The following PCNT variants were observed in gnomAD, a reference collection of about 807,000 sequenced individuals.
PCNT encodes pericentrin.
Under a neutral mutation model 380.4 loss-of-function variants are expected in PCNT, and 319 were observed. The observed-to-expected ratio is 0.84, with a 90% CI of 0.77 to 0.92. The LOEUF (loss-of-function observed/expected upper bound fraction) is 0.92. PCNT is among the 40% of genes least tolerant of loss of function. The probability of loss-of-function intolerance (pLI) is 0.00; values close to 1 mark genes in which losing one functional copy is unlikely to be tolerated. For missense variants in PCNT, 4,400 were observed against 4,255.3 expected, an observed-to-expected ratio of 1.03 and a Z score of -0.95; for synonymous variants, 1,845 against 1,735.2, an observed-to-expected ratio of 1.06 and a Z score of -1.57.
At chr21:46,369,365 C>T (rs929572679) in intron 15 of PCNT, among the ~76,000 whole-genome samples, 2 of 152,366 alleles carry the variant, frequency 1.3e-5, no homozygotes, top group African/African-American at 2.4e-5. Flanking sequence ...TGAGCCACTG[C>T]TCCCAGCTTG....
chr21:46,366,975 C>T lies in PCNT; in HGVS notation c.3001C>T (p.Leu1001=). The T allele has an allele frequency of 1.2e-6, 2 of 1,614,218 alleles. No individual in the cohort carries two copies. The highest frequency in any genetic ancestry group is 2.2e-5 in the South Asian group (2 of 91,090). The change falls in exon 15 of 47, where the codon CTG becomes TTG. Residue 1001 remains leucine (L), a synonymous_variant. Transcript: ENST00000359568. ...ELLRADFEEQ[L]WKKDSLHQTI... ...CTTACGAGCAGACTTTGAGGAACAACTGTGGAAAAAGGACTCTCTTCACCA... is the reference window on the plus strand; with the variant it reads ...CTTACGAGCAGACTTTGAGGAACAATTGTGGAAAAAGGACTCTCTTCACCA...
At chr21:46,327,437 GT>G (rs1195498972) in intron 2 of PCNT, among the ~76,000 whole-genome samples, 1 of 150,560 alleles carries the variant, frequency 6.6e-6, no homozygotes, top group African/African-American at 2.4e-5. Flanking sequence ...GTTTTGCTGT[GT>G]TGCCCAGCCT....
chr21:46,424,724 A>T (rs1446986548), intron 32 of PCNT, among the ~76,000 whole-genome samples: 1 of 12,398 alleles, frequency 8.1e-5, no homozygotes, highest in Non-Finnish European at 1.6e-4. Flanking sequence ...GCCCCCCCCA[A>T]CCCTGCTCCC....
At chr21:46,364,077 C>T in intron 14 of PCNT, 143 bp downstream of exon 14, 1 of 741,270 alleles carries the variant, frequency 1.3e-6, no homozygotes, top group African/African-American at 1.8e-5. Context: ...GTGTGGCGCT[C>T]TAGGTTTTCA....
chr21:46,411,676 C>G lies in PCNT; in HGVS notation c.5603C>G (p.Ala1868Gly). Reference sequence around the variant, plus strand: ...GAAGCGGCCCTGAAAGCAAAGGAAGCGACGATTGCCGAGAGAAATTTAGAA... The same window carrying G: ...GAAGCGGCCCTGAAAGCAAAGGAAGGGACGATTGCCGAGAGAAATTTAGAA... ...EFEAALKAKE[A>G]TIAERNLEID... is the part of the protein sequence containing the mutation. The change falls in exon 28 of 47, where the codon GCG becomes GGG. Residue 1868 changes from alanine (A) to glycine (G), a missense_variant. By Grantham distance (60) the Ala-to-Gly change is moderately conservative (BLOSUM62 0). Transcript: ENST00000359568. 6.2e-7 allele frequency: 1 copy of G among 1,612,978 alleles called. No individual in the cohort carries two copies. The highest frequency in any genetic ancestry group is 1.1e-5 in the South Asian group (1 of 91,088).
Position 46,387,578 on chromosome 21 carries a change from G to T in PCNT, c.3465-1164G>T, listed in dbSNP as rs780158537. The stretch of plus-strand genomic sequence containing the variant: ...ATGCCTGCAGGAGTTGGGCATTTTG[G>T]GGGGTGGAAGTGTGCTGGGGAGCAG... On this transcript the variant is annotated intron_variant, in intron 17 of 46. Coordinates refer to ENST00000359568, the MANE Select transcript of PCNT (RefSeq NM_006031.6). Among the ~76,000 whole-genome samples, 5 of 152,220 alleles carry T rather than the reference G, an allele frequency of 3.3e-5. No homozygotes were observed. The South Asian group carries it at 6.2e-4, about 19-fold the overall frequency.
intron 16 of PCNT, among the ~76,000 whole-genome samples, chr21:46,382,632 A>C (rs2085607061): frequency 7.2e-6 from 1 of 138,908 alleles, no homozygotes; most frequent in Admixed American, 7.4e-5. Flanking sequence ...AAGCGCATTC[A>C]CGGTGTTGTG....
chr21:46,344,039 A>G (rs1377795129), intron 3 of PCNT, among the ~76,000 whole-genome samples: 2 of 149,406 alleles, frequency 1.3e-5, no homozygotes, highest in Non-Finnish European at 3.0e-5. Context: ...CTAATGATCT[A>G]TCAGTTTTGT....
rs534806638 is a variant in PCNT at position 46,354,203 on chromosome 21, C to T, written c.1761+135C>T. The T allele has an allele frequency of 2.8e-5, 22 of 796,728 alleles. No individual in the cohort carries two copies. In the East Asian group the frequency reaches 5.1e-4, roughly 18 times the overall value. 49.4% of individuals were successfully genotyped at this position (796,728 alleles called of 1,614,324 possible). A position where few individuals can be genotyped will look rare whatever the true frequency, so the allele number is the denominator to read the frequency against. On this transcript the variant is annotated intron_variant, in intron 11 of 46. Coordinates refer to ENST00000359568, the MANE Select transcript of PCNT (RefSeq NM_006031.6). ...GGAGGAAGGCTGCTTGCGGATGCTG[C>T]CCCGACCTCACTGCTGCTCCGCGGT...
At chr21:46,428,072 T>C (rs2839255) in intron 34 of PCNT, among the ~76,000 whole-genome samples, 1 of 152,186 alleles carries the variant, frequency 6.6e-6, no homozygotes, top group East Asian at 1.9e-4. Context: ...CCATTCCAAG[T>C]AGCCCCTCCT....
At chr21:46,363,975 A>G in intron 14 of PCNT, 41 bp downstream of exon 14, 1 of 1,569,338 alleles carries the variant, frequency 6.4e-7, no homozygotes, top group Non-Finnish European at 8.7e-7. Flanking sequence ...CTGTGAGGCC[A>G]GACACCTTGG....
At chr21:46,383,873 C>T (rs1291542342) in intron 16 of PCNT, among the ~76,000 whole-genome samples, 3 of 144,094 alleles carry the variant, frequency 2.1e-5, no homozygotes, top group Non-Finnish European at 4.5e-5. Flanking sequence ...GACGGAAGCG[C>T]ATTCACGGTG....
chr21:46,353,652 T>G (rs917954827), intron 10 of PCNT, among the ~76,000 whole-genome samples: 2 of 149,728 alleles, frequency 1.3e-5, no homozygotes, highest in African/African-American at 2.5e-5. Flanking sequence ...GTGTGTGTGT[T>G]GGTGGCAGGG....
chr21:46,332,974 A>G (rs1283963286), intron 2 of PCNT, among the ~76,000 whole-genome samples: 2 of 152,224 alleles, frequency 1.3e-5, no homozygotes, highest in East Asian at 1.9e-4. Context: ...TAAGCTGGGC[A>G]CAGTGGCGCA....
rs1416988324 is a variant in PCNT, at chr21:46,411,637, G to A, written c.5564G>A (p.Arg1855Gln). 3.7e-6 allele frequency: 6 copies of A among 1,612,938 alleles called. No homozygotes were observed. Among genetic ancestry groups the A allele is most frequent in the Middle Eastern group, 1.6e-4 (1 of 6,084 alleles). Residue 1855 changes from arginine (R) to glutamine (Q), a missense_variant, in exon 28 of 47, where the codon CGG (arginine) becomes CAG (glutamine). Physicochemically the swap from Arg to Gln is conservative, Grantham distance 43 (BLOSUM62 1). Coordinates refer to ENST00000359568, the MANE Select transcript of PCNT (RefSeq NM_006031.6). ...REAEVEDMAS[R>Q]IQEFEAALKA... ...GCTGAGGTCGAAGACATGGCCTCCC[G>A]GATCCAGGAGTTCGAAGCGGCCCTG... is the stretch of plus-strand genomic sequence containing the variant.
In PCNT at chr21:46,354,129, T is replaced by C; in HGVS notation, c.1761+61T>C. The C allele has an allele frequency of 2.9e-6, 4 of 1,385,278 alleles. No individual in the cohort carries two copies. In the South Asian group the frequency reaches 4.7e-5, roughly 16 times the overall value. The allele number at this position is 1,385,278 out of a possible 1,614,324, so 85.8% of individuals were successfully genotyped here. ...GTGCTCTTGACCTTCCAGCCCTGCG[T>C]CTTCCACATTATAGAGCCTGTGTTT... On this transcript the variant is annotated intron_variant, in intron 11 of 46. Transcript: ENST00000359568.
At chr21:46,389,024 C>G (rs1224391359) in intron 18 of PCNT, 140 bp downstream of exon 18, 3 of 1,399,954 alleles carry the variant, frequency 2.1e-6, no homozygotes, top group African/African-American at 2.8e-5. Context: ...TCCGCACTTA[C>G]AGAAGGCCGA....
At chr21:46,424,766 T>A (rs909248622) in intron 32 of PCNT, among the ~76,000 whole-genome samples, 2 of 87,942 alleles carry the variant, frequency 2.3e-5, no homozygotes, top group African/African-American at 8.7e-5. Context: ...CCGTCTCCGC[T>A]CCTCCCCGCA....
chr21:46,402,563 G>A (rs1175330118), intron 27 of PCNT, 80 bp downstream of exon 27: 1 of 1,476,660 alleles, frequency 6.8e-7, no homozygotes, highest in Non-Finnish European at 9.5e-7. Context: ...ACCCTCATCG[G>A]GGAGGCGAGT....
Sources: allele counts gnomAD v4.1 joint callset (sites outside exome capture counted in the v4.1 genomes callset), GRCh38; gene constraint gnomAD v4.1.1; transcripts MANE v1.5; gene names NCBI Gene and HGNC (gene_info 2026-07-23, HGNC 2026-07-21).